The following PAPSS1 variants were observed in gnomAD, a reference collection of about 807,000 sequenced individuals.
The protein encoded by PAPSS1 is bifunctional 3'-phosphoadenosine 5'-phosphosulfate synthase 1.
PAPSS1 carries 50 observed loss-of-function variants against 72.0 expected under a neutral mutation model. That is an observed-to-expected ratio of 0.69 (90% CI 0.55 to 0.88). PAPSS1 has a LOEUF of 0.88. Among genes scored for constraint, PAPSS1 ranks in the 40% least tolerant of loss-of-function variants. The pLI is 0.00. For synonymous variants in PAPSS1, 261 were observed against 263.6 expected (o/e 0.99, Z 0.09); for missense variants, 657 against 782.2 (o/e 0.84, Z 1.91).
intron 11 of PAPSS1, among the ~76,000 whole-genome samples, chr4:107,628,183 C>T (rs1435226126): frequency 6.6e-6 from 1 of 152,160 alleles, no homozygotes; most frequent in Non-Finnish European, 1.5e-5. Context: ...TACAGTTCAT[C>T]GCTCAGAAAA....
At chr4:107,663,008 A>C (rs972818485) in intron 5 of PAPSS1, among the ~76,000 whole-genome samples, 3 of 152,256 alleles carry the variant, frequency 2.0e-5, no homozygotes, top group Non-Finnish European at 4.4e-5. Flanking sequence ...TGAGGCATAC[A>C]GATTCTTTGC....
intron 5 of PAPSS1, among the ~76,000 whole-genome samples, chr4:107,677,370 GAGA>G (rs1460929298): frequency 6.6e-6 from 1 of 152,318 alleles, no homozygotes; most frequent in East Asian, 1.9e-4. Flanking sequence ...CAAAAAGTGG[GAGA>G]AGGATATGAA....
At chr4:107,718,766 A>G (rs1335941042) in intron 1 of PAPSS1, among the ~76,000 whole-genome samples, 1 of 152,250 alleles carries the variant, frequency 6.6e-6, no homozygotes, top group African/African-American at 2.4e-5. Flanking sequence ...AAATACCCCA[A>G]GTAAGCCAAC....
At chr4:107,719,321 T>C (rs1251526301) in intron 1 of PAPSS1, among the ~76,000 whole-genome samples, 1 of 152,138 alleles carries the variant, frequency 6.6e-6, no homozygotes, top group African/African-American at 2.4e-5. Flanking sequence ...ACTCCAAAGA[T>C]GGGCCCTTCC....
chr4:107,638,753 A>G (rs1218170767), intron 10 of PAPSS1, among the ~76,000 whole-genome samples: 1 of 152,232 alleles, frequency 6.6e-6, no homozygotes, highest in Non-Finnish European at 1.5e-5. Context: ...GAGAAGAAGA[A>G]ATTAAAATAG....
intron 9 of PAPSS1, among the ~76,000 whole-genome samples, chr4:107,646,795 C>G (rs982864096): frequency 1.3e-5 from 2 of 152,158 alleles, no homozygotes; most frequent in East Asian, 3.9e-4. Context: ...CAGAACTCTA[C>G]CCAAGCTCAG....
intron 1 of PAPSS1, among the ~76,000 whole-genome samples, chr4:107,714,883 A>G (rs1723595272): frequency 6.6e-6 from 1 of 152,174 alleles, no homozygotes; most frequent in Non-Finnish European, 1.5e-5. Flanking sequence ...CGCTAAGGGG[A>G]GGCTAATACT....
chr4:107,615,519 G>A (rs1478613893), intron 11 of PAPSS1, among the ~76,000 whole-genome samples: 1 of 152,104 alleles, frequency 6.6e-6, no homozygotes, highest in Non-Finnish European at 1.5e-5. Context: ...AACCTAGAAG[G>A]AAATAATTAG....
intron 5 of PAPSS1, among the ~76,000 whole-genome samples, chr4:107,673,900 C>A (rs529786119): frequency 2.0e-5 from 3 of 152,192 alleles, no homozygotes; most frequent in Admixed American, 6.5e-5. Context: ...ATTCAACATT[C>A]TTAAAGAAAA....
chr4:107,691,344 C>T (rs1172102022), intron 3 of PAPSS1, among the ~76,000 whole-genome samples: 1 of 152,142 alleles, frequency 6.6e-6, no homozygotes, highest in Non-Finnish European at 1.5e-5. Context: ...ATGTTGTAGG[C>T]ATTACTTGAA....
At chr4:107,711,006 C>T (rs572888010) in intron 1 of PAPSS1, among the ~76,000 whole-genome samples, 13 of 152,344 alleles carry the variant, frequency 8.5e-5, no homozygotes, top group African/African-American at 2.6e-4. Context: ...TCGACCTATC[C>T]TTGACCAAAG....
chr4:107,648,805 A>G (rs1726760240), intron 9 of PAPSS1, among the ~76,000 whole-genome samples: 1 of 152,228 alleles, frequency 6.6e-6, no homozygotes, highest in Non-Finnish European at 1.5e-5. Flanking sequence ...GGGACCTGGA[A>G]TAACAAAGCA....
At chr4:107,666,490 TTATC>T (rs945303077) in intron 5 of PAPSS1, among the ~76,000 whole-genome samples, 3 of 152,204 alleles carry the variant, frequency 2.0e-5, no homozygotes, top group Non-Finnish European at 2.9e-5. Flanking sequence ...AATGACCACT[TTATC>T]TATCCTGATT....
chr4:107,650,266 T>G (rs1035606364), intron 9 of PAPSS1, among the ~76,000 whole-genome samples: 4 of 152,204 alleles, frequency 2.6e-5, no homozygotes, highest in African/African-American at 9.7e-5. Flanking sequence ...CTTATTTGCC[T>G]CAGTATAAAA....
intron 4 of PAPSS1, among the ~76,000 whole-genome samples, chr4:107,682,659 A>G (rs1288580732): frequency 6.6e-6 from 1 of 152,182 alleles, no homozygotes; most frequent in Non-Finnish European, 1.5e-5. Context: ...GCCTGTGAAG[A>G]TATATGGAAT....
chr4:107,632,610 A>C (rs72673576), intron 10 of PAPSS1, among the ~76,000 whole-genome samples: 29,057 of 152,058 alleles, frequency 0.19, 3,261 homozygotes, highest in East Asian at 0.37. Flanking sequence ...TTATTAAAAA[A>C]CAAAAATTAG....
At chr4:107,643,384 T>C (rs1726606943) in intron 10 of PAPSS1, among the ~76,000 whole-genome samples, 1 of 152,152 alleles carries the variant, frequency 6.6e-6, no homozygotes, top group African/African-American at 2.4e-5. Flanking sequence ...ATAATGCCTA[T>C]TTCCCATGCA....
At chr4:107,712,521 T>C (rs781050347) in intron 1 of PAPSS1, among the ~76,000 whole-genome samples, 4 of 152,164 alleles carry the variant, frequency 2.6e-5, no homozygotes, top group African/African-American at 7.2e-5. Flanking sequence ...CAAATGTTCA[T>C]AGCATTTATT....
intron 8 of PAPSS1, 39 bp downstream of exon 8, chr4:107,654,656 G>T: frequency 6.6e-7 from 1 of 1,506,116 alleles, no homozygotes; most frequent in Non-Finnish European, 9.2e-7. Context: ...AAACATCATT[G>T]GCAAATCAAG....
Sources: allele counts gnomAD v4.1 joint callset (sites outside exome capture counted in the v4.1 genomes callset), GRCh38; gene constraint gnomAD v4.1.1; transcripts MANE v1.5; gene names NCBI Gene and HGNC (gene_info 2026-07-23, HGNC 2026-07-21).